Variants in ABCG5 observed in about 807,000 individuals in gnomAD.
ABCG5 encodes ATP-binding cassette sub-family G member 5.
ABCG5 carries 64 observed loss-of-function variants against 64.5 expected under a neutral mutation model. The observed-to-expected ratio is 0.99, with a 90% CI of 0.81 to 1.22. The LOEUF is 1.22. Ranked by LOEUF, ABCG5 falls within the 50% of genes most tolerant of loss-of-function variation. The pLI is 0.00. For missense variants in ABCG5, 908 were observed against 829.5 expected, an observed-to-expected ratio of 1.09 and a Z score of -1.16; for synonymous variants, 385 against 326.3, an observed-to-expected ratio of 1.18 and a Z score of -1.94.
intron 11 of ABCG5, 93 bp from the exon 12 acceptor site, chr2:43,814,682 G>T (rs1344983371): frequency 4.0e-6 from 3 of 742,582 alleles, no homozygotes; most frequent in African/African-American, 1.8e-5. Context: ...TTTCCAACAG[G>T]AATATAGTTT....
chr2:43,825,066 T>C (rs758983572), intron 6 of ABCG5, 48 bp from the exon 7 acceptor site: 2 of 1,605,916 alleles, frequency 1.2e-6, no homozygotes, highest in Non-Finnish European at 1.7e-6. Context: ...AGGGTAGCGA[T>C]GCACTTTGAA....
At chr2:43,824,813 G>T in intron 7 of ABCG5, 76 bp downstream of exon 7, 1 of 1,583,644 alleles carries the variant, frequency 6.3e-7, no homozygotes, top group Non-Finnish European at 8.7e-7. Flanking sequence ...CACTAGACTG[G>T]TGTCATCCAG....
chr2:43,806,360 G>A, the ABCG5 span, among the ~76,000 whole-genome samples: 1 of 152,226 alleles, frequency 6.6e-6, no homozygotes, highest in Non-Finnish European at 1.5e-5. Flanking sequence ...GAAAACAGCT[G>A]TCAGCTGGGA....
At chr2:43,837,258 C>T (rs541535138) in intron 2 of ABCG5, among the ~76,000 whole-genome samples, 8 of 150,836 alleles carry the variant, frequency 5.3e-5, no homozygotes, top group Non-Finnish European at 1.0e-4. Context: ...TAGCTGGGAC[C>T]GCAGACATGC....
rs568033404 is a variant in ABCG5, at chr2:43,820,087, G to A, written c.1477C>T (p.His493Tyr). Reference sequence around the variant, plus strand: ...TATCCAAATCGGGCAACCTCAGGATGTAAGCCCAGCGTCCTAGAAAAGCAT... The same window carrying A: ...TATCCAAATCGGGCAACCTCAGGATATAAGCCCAGCGTCCTAGAAAAGCAT... ...SSVCYWTLGL[H>Y]PEVARFGYFS... Residue 493 changes from histidine to tyrosine, a missense_variant, in exon 11 of 13, where the codon CAT becomes TAT. Coordinates refer to ENST00000405322, the MANE Select transcript of ABCG5 (RefSeq NM_022436.3). 1.2e-6 allele frequency: 2 copies of A among 1,613,890 alleles called. No individual in the cohort carries two copies. The highest frequency in any genetic ancestry group is 2.2e-5 in the South Asian group (2 of 91,032).
At chr2:43,823,269 TC>T (rs1177104994) in intron 9 of ABCG5, among the ~76,000 whole-genome samples, 1 of 140,054 alleles carries the variant, frequency 7.1e-6, no homozygotes, top group African/African-American at 2.7e-5. Flanking sequence ...TGTGCAGGAT[TC>T]CCCCCACCCC....
intron 6 of ABCG5, 141 bp from the exon 7 acceptor site, chr2:43,825,159 A>G (rs1260829870): frequency 9.9e-7 from 1 of 1,014,938 alleles, no homozygotes; most frequent in East Asian, 2.8e-5. Context: ...ATTTCCCATA[A>G]GCAGTCAGTC....
chr2:43,817,410 G>T (rs1233303923), intron 11 of ABCG5, among the ~76,000 whole-genome samples: 2 of 152,102 alleles, frequency 1.3e-5, no homozygotes, highest in African/African-American at 4.8e-5. Flanking sequence ...GCTTGAACCT[G>T]AGAGACGGAG....
chr2:43,834,629 G>A (rs1668149180), intron 2 of ABCG5, among the ~76,000 whole-genome samples: 1 of 152,236 alleles, frequency 6.6e-6, no homozygotes, highest in Non-Finnish European at 1.5e-5. Context: ...GAGGCTGGGC[G>A]TGGTGGCTCA....
downstream of ABCG5, among the ~76,000 whole-genome samples, chr2:43,807,658 A>C (rs1043861804): frequency 6.8e-6 from 1 of 147,214 alleles, no homozygotes; most frequent in East Asian, 2.0e-4. Flanking sequence ...GCCTAAAGCA[A>C]TCCTCCTGAG....
rs754893727 is a variant in ABCG5, at chr2:43,823,897, GCACGTGGGCACTTACA to G, written c.1324_1324+15del. 2.5e-6 allele frequency: 4 copies of G among 1,612,806 alleles called. No individual in the cohort carries two copies. In the South Asian group the frequency reaches 4.4e-5, roughly 18 times the overall value. On this transcript the variant is annotated splice_donor_variant and splice_donor_5th_base_variant and coding_sequence_variant and intron_variant, in exon 9 of 13. Coordinates refer to ENST00000405322, the MANE Select transcript of ABCG5 (RefSeq NM_022436.3). LOFTEE classifies it high-confidence loss of function. ...TTAGGGAGAAAGAGGTGCACCTCCA[GCACGTGGGCACTTACA>G]CAGATTCACAGCGTTCAGCATGCCT...
chr2:43,812,859 T>G lies in ABCG5; in HGVS notation c.*257A>C. 2.0e-6 allele frequency: 1 copy of G among 492,650 alleles called. No individual in the cohort carries two copies. Among genetic ancestry groups the G allele is most frequent in the Non-Finnish European group, 3.7e-6 (1 of 272,036 alleles). The allele number at this position is 492,650 out of a possible 1,614,324, so 30.5% of individuals were successfully genotyped here. A position where few individuals can be genotyped will look rare whatever the true frequency, so the allele number is the denominator to read the frequency against. On this transcript the variant is annotated 3_prime_UTR_variant, in exon 13 of 13. Coordinates refer to ENST00000405322, the MANE Select transcript of ABCG5 (RefSeq NM_022436.3). ...GTCTCCCATAGGTTTATGAATATTA[T>G]TTACATTCTTGGGTCCGCTCAGTCA...
downstream of ABCG5, among the ~76,000 whole-genome samples, chr2:43,812,205 C>T (rs537080286): frequency 6.6e-6 from 1 of 152,130 alleles, no homozygotes; most frequent in South Asian, 2.1e-4. Context: ...TGTGAGACAC[C>T]ATGTCTAGCT....
rs55853083 is a variant in ABCG5, at chr2:43,838,797, T to C, written c.-118A>G. ...CTGCTCCACCTGACCCCGGAGTCCC[T>C]TGGGACAGCAGGACTGGGACTTGGC... On this transcript the variant is annotated 5_prime_UTR_variant, in exon 1 of 13. Transcript: ENST00000405322. The surrounding 1 kb of genome is among the most constrained non-coding windows in gnomAD (Gnocchi z 4.2). The C allele has an allele frequency of 1.6e-4, 244 of 1,541,012 alleles. No homozygotes were observed. The African/African-American group carries it at 3.1e-3, about 19-fold the overall frequency.
Position 43,838,542 on chromosome 2 carries a change from G to A in ABCG5, c.138C>T (p.Ser46=), listed in dbSNP as rs775574718. The stretch of plus-strand genomic sequence containing the variant: ...CAGCAAGGGCTCTGCCTTACCTGAC[G>A]CTGTAGGAGGCATGGAGGATGCCCA... ...HSLGILHASY[S]VSHRVRPWWD... is the part of the protein sequence containing the mutation. Residue 46 remains serine, a synonymous_variant, in exon 1 of 13, where the codon AGC becomes AGT. Coordinates refer to ENST00000405322, the MANE Select transcript of ABCG5 (RefSeq NM_022436.3). This position sits in a 1 kb window ranked among gnomAD's most constrained non-coding sequence, Gnocchi z 4.2. 27 of 1,602,904 alleles carry A rather than the reference G, an allele frequency of 1.7e-5. No individual in the cohort carries two copies. Among genetic ancestry groups the A allele is most frequent in the Middle Eastern group, 1.7e-4 (1 of 5,886 alleles).
the ABCG5 span, among the ~76,000 whole-genome samples, chr2:43,807,280 A>G: frequency 6.6e-6 from 1 of 152,004 alleles, no homozygotes; most frequent in East Asian, 1.9e-4. Context: ...GCCCTCTTTA[A>G]TTATTTAAAG....
intron 12 of ABCG5, among the ~76,000 whole-genome samples, chr2:43,813,933 G>A (rs941192172): frequency 5.3e-5 from 8 of 151,738 alleles, no homozygotes; most frequent in African/African-American, 1.9e-4. Context: ...CGGCCAGGCT[G>A]GTCTCGAACT....
At chr2:43,838,900 G>C (rs1572812467), upstream of ABCG5, 14 of 1,168,780 alleles carry the variant, frequency 1.2e-5, no homozygotes, top group South Asian at 1.9e-4. This position sits in a 1 kb window ranked among gnomAD's most constrained non-coding sequence, Gnocchi z 4.2. Context: ...ACGTTTGTAG[G>C]TGGGCTTGCC....
chr2:43,814,401 C>A, intron 12 of ABCG5, 76 bp downstream of exon 12: 3 of 957,792 alleles, frequency 3.1e-6, no homozygotes, highest in Non-Finnish European at 5.0e-6. Flanking sequence ...GTTTTTATTT[C>A]AAAAATACAT....
Sources: allele counts gnomAD v4.1 joint callset (sites outside exome capture counted in the v4.1 genomes callset), GRCh38; gene constraint gnomAD v4.1.1; non-coding constraint Gnocchi (gnomAD v3.1); transcripts MANE v1.5; gene names NCBI Gene and HGNC (gene_info 2026-07-23, HGNC 2026-07-21).